TINAG: variants seen among roughly 807,000 people sequenced by gnomAD.
TINAG encodes the protein tubulointerstitial nephritis antigen.
A neutral mutation model predicts 72.7 loss-of-function variants in TINAG; 83 were observed. That is an observed-to-expected ratio of 1.14 (90% CI 0.96 to 1.37). The LOEUF (loss-of-function observed/expected upper bound fraction) is 1.37. TINAG is among the 40% of genes most tolerant of loss of function. The pLI, the probability that TINAG is intolerant of heterozygous loss-of-function variation, is 0.00. For synonymous variants in TINAG, 234 were observed against 189.9 expected (o/e 1.23, Z -1.91); for missense variants, 685 against 576.6 (o/e 1.19, Z -1.93).
chr6:54,380,544 A>G lies in TINAG; in HGVS notation c.1269A>G (p.Gly423=). The G allele has an allele frequency of 1.2e-6, 2 of 1,610,918 alleles. No individual in the cohort carries two copies. The highest frequency in any genetic ancestry group is 2.2e-5 in the South Asian group (2 of 90,848). ...VKLTGWGTLR[G]AQGQKEKFWI... ...ATTGTAGATGGGGCACACTGAGAGGAGCACAAGGGCAGAAAGAAAAATTTT... is the reference window on the plus strand; with the variant it reads ...ATTGTAGATGGGGCACACTGAGAGGGGCACAAGGGCAGAAAGAAAAATTTT... Residue 423 remains glycine (G), a synonymous_variant, in exon 10 of 11, where the codon GGA becomes GGG. Coordinates refer to ENST00000259782, the MANE Select transcript of TINAG (RefSeq NM_014464.4).
chr6:54,319,895 G>A (rs1443540499), intron 1 of TINAG, among the ~76,000 whole-genome samples: 1 of 152,058 alleles, frequency 6.6e-6, no homozygotes, highest in Non-Finnish European at 1.5e-5. Flanking sequence ...TTTTTAACCA[G>A]AGCACTATTT....
Position 54,390,028 on chromosome 6 carries a change from C to T in TINAG, c.*103C>T, listed in dbSNP as rs776693372. On this transcript the variant is annotated 3_prime_UTR_variant, in exon 11 of 11. Coordinates refer to ENST00000259782, the MANE Select transcript of TINAG (RefSeq NM_014464.4). ...GACAGTGGAATCTTTGTCTCTTCACCGTGTTAACATAATCTATCTATTTTC... is the reference window on the plus strand; with the variant it reads ...GACAGTGGAATCTTTGTCTCTTCACTGTGTTAACATAATCTATCTATTTTC... 82 of 1,448,436 alleles carry T rather than the reference C, an allele frequency of 5.7e-5. No individual in the cohort carries two copies. Among genetic ancestry groups the T allele is most frequent in the South Asian group, 3.7e-4 (29 of 79,018 alleles). The allele number at this position is 1,448,436 out of a possible 1,614,324, so 89.7% of individuals were successfully genotyped here. A position where few individuals can be genotyped will look rare whatever the true frequency, so the allele number is the denominator to read the frequency against.
chr6:54,373,096 G>A (rs1424319061), intron 9 of TINAG, among the ~76,000 whole-genome samples: 1 of 152,014 alleles, frequency 6.6e-6, no homozygotes, highest in Non-Finnish European at 1.5e-5. Context: ...TAACAATTGT[G>A]TTCATTACAT....
chr6:54,380,905 C>T (rs1763926496), intron 10 of TINAG, among the ~76,000 whole-genome samples: 1 of 149,220 alleles, frequency 6.7e-6, no homozygotes, highest in Non-Finnish European at 1.5e-5. Context: ...TGGCAATGAA[C>T]TTGATGCTTT....
chr6:54,385,844 T>C (rs1401751885), intron 10 of TINAG, among the ~76,000 whole-genome samples: 1 of 143,454 alleles, frequency 7.0e-6, no homozygotes, highest in Non-Finnish European at 1.5e-5. Flanking sequence ...ATATAGTTCA[T>C]CAAATTATAA....
At chr6:54,352,245 A>G (rs1008595360) in intron 8 of TINAG, among the ~76,000 whole-genome samples, 1 of 151,812 alleles carries the variant, frequency 6.6e-6, no homozygotes, top group African/African-American at 2.4e-5. Flanking sequence ...CACTTAAGGA[A>G]CTGTTGCCAA....
chr6:54,349,775 G>A lies in TINAG; in HGVS notation c.959G>A (p.Cys320Tyr). The A allele has an allele frequency of 1.9e-6, 3 of 1,605,714 alleles. No individual in the cohort carries two copies. Among genetic ancestry groups the A allele is most frequent in the Admixed American group, 1.7e-5 (1 of 59,276 alleles). ...FKDQNATNNGCAMASRSDGRG... is the reference protein window; with the variant it reads ...FKDQNATNNGYAMASRSDGRG... The stretch of plus-strand genomic sequence containing the variant: ...GACCAAAATGCTACCAACAATGGAT[G>A]TGCCATGGCAAGCAGGTCTGATGGG... Residue 320 changes from cysteine to tyrosine, a missense_variant, in exon 7 of 11, where the codon TGT becomes TAT. By Grantham distance (194) the Cys-to-Tyr change is radical. Coordinates refer to ENST00000259782, the MANE Select transcript of TINAG (RefSeq NM_014464.4).
chr6:54,323,964 A>T (rs1181056680), intron 3 of TINAG, among the ~76,000 whole-genome samples: 1 of 152,206 alleles, frequency 6.6e-6, no homozygotes, highest in Non-Finnish European at 1.5e-5. Context: ...AAACAAAACA[A>T]AAAAACAAAT....
intron 4 of TINAG, among the ~76,000 whole-genome samples, chr6:54,340,281 A>C (rs2150952379): frequency 6.6e-6 from 1 of 152,262 alleles, no homozygotes; most frequent in African/African-American, 2.4e-5. Context: ...AAGCATATCT[A>C]TATGAAATCC....
intron 4 of TINAG, among the ~76,000 whole-genome samples, chr6:54,328,191 G>T (rs1784653513): frequency 6.6e-6 from 1 of 152,104 alleles, no homozygotes; most frequent in African/African-American, 2.4e-5. Context: ...CTCCCAGCAG[G>T]GTTCAACAGA....
intron 9 of TINAG, among the ~76,000 whole-genome samples, chr6:54,379,252 A>G (rs989734659): frequency 4.6e-5 from 7 of 152,220 alleles, no homozygotes. Context: ...TCTGTAAAAG[A>G]AAAGCAATAT....
chr6:54,336,507 C>T (rs188812484), intron 4 of TINAG, among the ~76,000 whole-genome samples: 3 of 152,222 alleles, frequency 2.0e-5, no homozygotes, highest in African/African-American at 7.2e-5. Context: ...TTCTTCCAGA[C>T]ATAATGTTCA....
chr6:54,339,892 G>T (rs946848898), intron 4 of TINAG, among the ~76,000 whole-genome samples: 1 of 152,044 alleles, frequency 6.6e-6, no homozygotes, highest in Admixed American at 6.6e-5. Flanking sequence ...TGGGTGGGGG[G>T]AAATACAACT....
chr6:54,324,103 T>A (rs940155342), intron 3 of TINAG, among the ~76,000 whole-genome samples: 2 of 152,204 alleles, frequency 1.3e-5, no homozygotes, highest in African/African-American at 4.8e-5. Flanking sequence ...ATCAGCAAGT[T>A]AGTGGAATAA....
intron 9 of TINAG, among the ~76,000 whole-genome samples, chr6:54,377,426 C>T (rs903980478): frequency 1.1e-4 from 17 of 152,154 alleles, no homozygotes; most frequent in African/African-American, 3.1e-4. Context: ...GCAGGAGAAT[C>T]GCTGGAACCT....
chr6:54,341,468 C>T (rs10456174), intron 4 of TINAG, among the ~76,000 whole-genome samples: 1 of 152,006 alleles, frequency 6.6e-6, no homozygotes, highest in African/African-American at 2.4e-5. Flanking sequence ...GTTTTTGGCA[C>T]TTTCTTCCAT....
Position 54,356,755 on chromosome 6 carries a change from T to G in TINAG, c.1250+2119T>G, listed in dbSNP as rs554319841. ...ATTTAATTAAAAGAGACATTTTTGA[T>G]TCTTCAACAAAGGATAAGTTCTTGT... On this transcript the variant is annotated intron_variant, in intron 9 of 10. Coordinates refer to ENST00000259782, the MANE Select transcript of TINAG (RefSeq NM_014464.4). Among the ~76,000 whole-genome samples the G allele has an allele frequency of 1.1e-4, 17 of 152,034 alleles. No individual in the cohort carries two copies. The South Asian group carries it at 3.3e-3, about 30-fold the overall frequency.
chr6:54,380,472 A>G (rs16885273), intron 9 of TINAG, 54 bp from the exon 10 acceptor site: 117,336 of 1,479,988 alleles, frequency 0.079, 5,062 homozygotes, highest in Non-Finnish European at 0.085. Context: ...TTCTCTCAAG[A>G]AGCAAACCAA....
chr6:54,389,954 C>T lies in TINAG; in HGVS notation c.*29C>T. 21 of 1,597,384 alleles carry T rather than the reference C, an allele frequency of 1.3e-5. No homozygotes were observed. Among genetic ancestry groups the T allele is most frequent in the Non-Finnish European group, 1.8e-5 (21 of 1,174,990 alleles). On this transcript the variant is annotated 3_prime_UTR_variant, in exon 11 of 11. Coordinates refer to ENST00000259782, the MANE Select transcript of TINAG (RefSeq NM_014464.4). Reference sequence around the variant, plus strand: ...ATCATTAAATTTCCATAAGGTCATGCCTTTAAGTAACCCCCTAAATTGAAG... The same window carrying T: ...ATCATTAAATTTCCATAAGGTCATGTCTTTAAGTAACCCCCTAAATTGAAG...
Sources: gnomAD v4.1 joint callset for allele counts (sites outside exome capture counted in the v4.1 genomes callset) on GRCh38, gnomAD v4.1.1 for gene constraint, MANE v1.5 for transcripts, NCBI Gene and HGNC (gene_info 2026-07-23, HGNC 2026-07-21) for gene names.